SEMA3A: variants seen among roughly 807,000 people sequenced by gnomAD.
The protein encoded by SEMA3A is semaphorin 3A, also known as semaphorin-3A.
In SEMA3A, 29 loss-of-function variants were observed where a neutral mutation model predicts 97.9. That is an observed-to-expected ratio of 0.30 (90% CI 0.22 to 0.40). The LOEUF (loss-of-function observed/expected upper bound fraction) is 0.40, where lower values mean the gene tolerates loss of function less well. SEMA3A is among the 10% of genes least tolerant of loss of function. The pLI, the probability that SEMA3A is intolerant of heterozygous loss-of-function variation, is 1.00. For synonymous variants in SEMA3A, 321 were observed against 323.7 expected (o/e 0.99, Z 0.09); for missense variants, 763 against 951.3 (o/e 0.80, Z 2.60).
At chr7:84,425,986 C>G (rs919062313) in intron 1 of SEMA3A, among the ~76,000 whole-genome samples, 1 of 150,920 alleles carries the variant, frequency 6.6e-6, no homozygotes, top group East Asian at 2.0e-4. Flanking sequence ...GAATGGAAAA[C>G]TAAATACTGT....
intron 14 of SEMA3A, among the ~76,000 whole-genome samples, chr7:83,980,702 A>T (rs1789379829): frequency 6.7e-6 from 1 of 149,742 alleles, no homozygotes; most frequent in South Asian, 2.1e-4. Context: ...ATACATATAT[A>T]TTGCATATGC....
intron 4 of SEMA3A, among the ~76,000 whole-genome samples, chr7:84,102,072 C>T (rs1346586862): frequency 6.6e-6 from 1 of 151,876 alleles, no homozygotes; most frequent in Non-Finnish European, 1.5e-5. Context: ...CATTATACTG[C>T]CTTTGAACAG....
intron 1 of SEMA3A, among the ~76,000 whole-genome samples, chr7:84,406,264 T>C (rs1040706965): frequency 4.6e-5 from 7 of 152,214 alleles, no homozygotes; most frequent in South Asian, 2.1e-4. Flanking sequence ...GAGAATACTA[T>C]AAACACCTCT....
intron 1 of SEMA3A, among the ~76,000 whole-genome samples, chr7:84,485,377 AT>A (rs36033736): frequency 0.27 from 40,025 of 145,558 alleles, 5,820 homozygotes; most frequent in East Asian, 0.58. Context: ...TATTTTATGT[AT>A]TTTTTTTTTT....
intron 1 of SEMA3A, among the ~76,000 whole-genome samples, chr7:84,180,399 C>G (rs1057104301): frequency 1.2e-4 from 18 of 151,908 alleles, no homozygotes; most frequent in African/African-American, 4.4e-4. Flanking sequence ...AAAAATTAAC[C>G]TGACGAGGCT....
chr7:84,369,172 T>G (rs2116094387), intron 2 of SEMA3A, among the ~76,000 whole-genome samples: 1 of 151,170 alleles, frequency 6.6e-6, no homozygotes, highest in South Asian at 2.1e-4. Flanking sequence ...TCAAACCAAC[T>G]TAGAGCCAGA....
chr7:84,164,159 T>C (rs1562824495), intron 1 of SEMA3A, among the ~76,000 whole-genome samples: 2 of 152,192 alleles, frequency 1.3e-5, no homozygotes, highest in Admixed American at 1.3e-4. Flanking sequence ...AGTACTATTT[T>C]TACCAAATAT....
intron 3 of SEMA3A, among the ~76,000 whole-genome samples, chr7:84,251,874 T>C (rs1443139403): frequency 1.3e-5 from 2 of 151,702 alleles, no homozygotes; most frequent in African/African-American, 4.9e-5. Context: ...TGAGGATTAA[T>C]ATAATCACTA....
chr7:84,122,070 A>C (rs1268286215), intron 3 of SEMA3A, among the ~76,000 whole-genome samples: 5 of 151,604 alleles, frequency 3.3e-5, no homozygotes, highest in Non-Finnish European at 7.4e-5. Context: ...TGGTATTTCT[A>C]GTTCTAGATC....
intron 2 of SEMA3A, among the ~76,000 whole-genome samples, chr7:84,352,638 G>A (rs1802465718): frequency 6.6e-6 from 1 of 151,718 alleles, no homozygotes; most frequent in Admixed American, 6.6e-5. Context: ...GTATAGTGAG[G>A]GCCAAGACTG....
intron 5 of SEMA3A, among the ~76,000 whole-genome samples, chr7:84,059,473 A>T (rs10279219): frequency 1.3e-5 from 2 of 152,034 alleles, no homozygotes; most frequent in African/African-American, 4.8e-5. Flanking sequence ...TTTTCTGAGT[A>T]GGAAAAAATT....
intron 1 of SEMA3A, among the ~76,000 whole-genome samples, chr7:84,159,550 C>T (rs1796961118): frequency 6.6e-6 from 1 of 152,058 alleles, no homozygotes; most frequent in Admixed American, 6.6e-5. Context: ...GTCATTCTAC[C>T]CTTGACTTAC....
intron 1 of SEMA3A, among the ~76,000 whole-genome samples, chr7:84,157,174 TG>T (rs1294975510): frequency 1.1e-4 from 17 of 152,170 alleles, no homozygotes; most frequent in Non-Finnish European, 1.5e-5. Context: ...CATGCCTTTG[TG>T]TATTAAAGTC....
At chr7:84,278,089 A>T (rs1170742477) in intron 3 of SEMA3A, among the ~76,000 whole-genome samples, 2 of 152,156 alleles carry the variant, frequency 1.3e-5, no homozygotes, top group Non-Finnish European at 2.9e-5. Flanking sequence ...GCCAAGTGAC[A>T]TCCTAAGTAC....
intron 2 of SEMA3A, among the ~76,000 whole-genome samples, chr7:84,348,176 A>C (rs1802348828): frequency 6.6e-6 from 1 of 152,200 alleles, no homozygotes; most frequent in African/African-American, 2.4e-5. Flanking sequence ...TTATCAAAAA[A>C]ATTAATGTGG....
chr7:84,137,381 A>G (rs1685494827), intron 1 of SEMA3A, among the ~76,000 whole-genome samples: 1 of 146,022 alleles, frequency 6.8e-6, no homozygotes, highest in Admixed American at 7.2e-5. Flanking sequence ...AGCCTGGGTG[A>G]CAGAGCAACA....
chr7:84,145,135 C>A (rs1273668128), intron 1 of SEMA3A, among the ~76,000 whole-genome samples: 1 of 152,118 alleles, frequency 6.6e-6, no homozygotes, highest in Non-Finnish European at 1.5e-5. Flanking sequence ...CCACCCTCAC[C>A]TGCTTAGGTA....
intron 4 of SEMA3A, among the ~76,000 whole-genome samples, chr7:84,080,302 T>C (rs1348187191): frequency 1.3e-5 from 2 of 151,202 alleles, no homozygotes; most frequent in Admixed American, 6.6e-5. Flanking sequence ...TGTATACATA[T>C]GTAACAAACC....
At chr7:84,446,004 A>G (rs1278630641) in intron 1 of SEMA3A, among the ~76,000 whole-genome samples, 1 of 152,164 alleles carries the variant, frequency 6.6e-6, no homozygotes, top group Admixed American at 6.5e-5. Flanking sequence ...TACTAAAATC[A>G]GAAAGGAGTG....
Sources: gnomAD v4.1 joint callset for allele counts (sites outside exome capture counted in the v4.1 genomes callset) on GRCh38, gnomAD v4.1.1 for gene constraint, MANE v1.5 for transcripts, NCBI Gene and HGNC (gene_info 2026-07-23, HGNC 2026-07-21) for gene names.